Variants in DGKB observed in about 807,000 individuals in gnomAD.
DGKB encodes 90 kDa diacylglycerol kinase.
DGKB carries 67 observed loss-of-function variants against 114.3 expected under a neutral mutation model. The ratio of observed to expected loss-of-function variants is 0.59; its 90% CI spans 0.48 to 0.72. The LOEUF (loss-of-function observed/expected upper bound fraction) is 0.72. Among genes scored for constraint, DGKB ranks in the 30% least tolerant of loss-of-function variants. The pLI is 0.00. For synonymous variants in DGKB, 398 were observed against 323.1 expected, an observed-to-expected ratio of 1.23 and a Z score of -2.49; for missense variants, 907 against 975.2, an observed-to-expected ratio of 0.93 and a Z score of 0.93.
At chr7:14,377,475 T>C (rs770290726) in intron 21 of DGKB, among the ~76,000 whole-genome samples, 7 of 152,258 alleles carry the variant, frequency 4.6e-5, no homozygotes, top group Non-Finnish European at 8.8e-5. Context: ...ATTTAAAGTA[T>C]GGACTTTCTT....
At chr7:14,653,619 A>G (rs62443681) in intron 13 of DGKB, among the ~76,000 whole-genome samples, 3,244 of 151,744 alleles carry the variant, frequency 0.021, 51 homozygotes, top group South Asian at 0.038. Context: ...ACTAACCTGC[A>G]CAATGTGCAC....
At chr7:14,502,557 T>C (rs1242566838) in intron 20 of DGKB, among the ~76,000 whole-genome samples, 1 of 152,106 alleles carries the variant, frequency 6.6e-6, no homozygotes, top group East Asian at 1.9e-4. Context: ...CATTTATAAT[T>C]CTGAAGTACT....
intron 21 of DGKB, among the ~76,000 whole-genome samples, chr7:14,401,611 G>A (rs921002780): frequency 6.6e-6 from 1 of 151,864 alleles, no homozygotes; most frequent in Non-Finnish European, 1.5e-5. Flanking sequence ...ATTGGCAAAA[G>A]ATCTTTCTTC....
chr7:14,424,653 G>A (rs1827226970), intron 21 of DGKB, among the ~76,000 whole-genome samples: 1 of 152,040 alleles, frequency 6.6e-6, no homozygotes, highest in Non-Finnish European at 1.5e-5. Context: ...CTAAAGGTAT[G>A]GTTAAGCTTC....
chr7:14,409,424 G>GAATTGTTTGATATGTACCGTAGATTA (rs1583716004), intron 21 of DGKB, among the ~76,000 whole-genome samples: 10 of 74,910 alleles, frequency 1.3e-4, no homozygotes, highest in East Asian at 6.2e-4. Flanking sequence ...AGAAAAAGTT[G>GAATTGTTTGATATGTACCGTAGATTA]AGGCCGGGCG....
intron 21 of DGKB, among the ~76,000 whole-genome samples, chr7:14,392,820 A>C (rs1435421053): frequency 6.6e-6 from 1 of 152,118 alleles, no homozygotes; most frequent in Non-Finnish European, 1.5e-5. Flanking sequence ...TCGACTGACT[A>C]GAAGACATTT....
In DGKB at chr7:14,756,755, C is replaced by T. The variant is rs1026989532; in HGVS notation, c.147+900G>A. ...CTCTTGCAAACATACAAAAAAAAAA[C>T]AATAATAGCAAAAAATAAGTCACAT... On this transcript the variant is annotated intron_variant, in intron 3 of 25. Coordinates refer to ENST00000402815, the MANE Select transcript of DGKB (RefSeq NM_001350709.2). Among the ~76,000 whole-genome samples, 13 of 150,048 alleles carry T rather than the reference C, an allele frequency of 8.7e-5. 1 individual carries two copies. Among genetic ancestry groups the T allele is most frequent in the Non-Finnish European group, 8.9e-5 (6 of 67,360 alleles).
At chr7:14,596,635 T>G (rs894528072) in intron 17 of DGKB, among the ~76,000 whole-genome samples, 2 of 152,208 alleles carry the variant, frequency 1.3e-5, no homozygotes, top group Admixed American at 6.5e-5. Context: ...CCTAAAATGC[T>G]CATGCTCATT....
intron 2 of DGKB, among the ~76,000 whole-genome samples, chr7:14,839,804 T>C (rs1446592694): frequency 6.6e-6 from 1 of 152,196 alleles, no homozygotes; most frequent in Non-Finnish European, 1.5e-5. Context: ...TTATTATTAT[T>C]GACTCAGTCA....
chr7:14,613,374 CA>C lies in DGKB; in HGVS notation c.1323del (p.Phe441LeufsTer2). The C allele has an allele frequency of 6.4e-7, 1 of 1,571,258 alleles. No individual in the cohort carries two copies. Among genetic ancestry groups the C allele is most frequent in the African/African-American group, 1.4e-5 (1 of 73,928 alleles). On this transcript the variant is annotated frameshift_variant, in exon 16 of 26. Transcript: ENST00000402815. LOFTEE classifies it high-confidence loss of function. Reference sequence around the variant, plus strand: ...TGTTTTCCACCACTTTTGGGGTTCACAAAAACTAAAAGTGGGTGAGTACCAG... The same window carrying C: ...TGTTTTCCACCACTTTTGGGGTTCACAAAACTAAAAGTGGGTGAGTACCAG... Reference protein sequence around the residue: ...PVPGTHPLLVFVNPKSGGKQG... With the variant: ...PVPGTHPLLVXVNPKSGGKQG...
rs962963210 is a variant in DGKB, at chr7:14,736,131, C to G, written c.232G>C (p.Asp78His). The change falls in exon 5 of 26, where the codon GAT (aspartate) becomes CAT (histidine). Residue 78 changes from aspartate (D) to histidine (H), a missense_variant. Asp to His is a moderately conservative substitution (Grantham distance 81, BLOSUM62 -1). Transcript: ENST00000402815. ...GACATGAAAAGGTGTGCAGTGAAAT[C>G]ATCAGGAAGCTCGGCTTCCAGGAAT... ...KTFLEAELPDDFTAHLFMSFS... is the reference protein window; with the variant it reads ...KTFLEAELPDHFTAHLFMSFS... 5.0e-6 allele frequency: 8 copies of G among 1,609,132 alleles called. No individual in the cohort carries two copies. Among genetic ancestry groups the G allele is most frequent in the Non-Finnish European group, 5.9e-6 (7 of 1,176,506 alleles).
chr7:14,440,498 T>G (rs1829933117), intron 21 of DGKB, among the ~76,000 whole-genome samples: 1 of 152,142 alleles, frequency 6.6e-6, no homozygotes, highest in Admixed American at 6.6e-5. Context: ...AGGTATGTAT[T>G]TATTTTGTAG....
chr7:14,536,757 A>T (rs977075137), intron 20 of DGKB, among the ~76,000 whole-genome samples: 1 of 151,904 alleles, frequency 6.6e-6, no homozygotes, highest in Non-Finnish European at 1.5e-5. Flanking sequence ...TTCCTCTAAG[A>T]TGTGAAAGAA....
At chr7:14,532,825 C>T (rs1024466464) in intron 20 of DGKB, among the ~76,000 whole-genome samples, 1 of 151,558 alleles carries the variant, frequency 6.6e-6, no homozygotes, top group Non-Finnish European at 1.5e-5. Flanking sequence ...GAGCTACATG[C>T]TGTTTTAGAG....
intron 21 of DGKB, among the ~76,000 whole-genome samples, chr7:14,405,117 T>TC (rs111477002): frequency 0.98 from 148,158 of 151,898 alleles, 72,353 homozygotes; most frequent in Non-Finnish European, 1. Context: ...ACATTTCAAA[T>TC]TATTCTGCCT....
At chr7:14,582,505 T>C (rs1800087405) in intron 18 of DGKB, among the ~76,000 whole-genome samples, 1 of 152,200 alleles carries the variant, frequency 6.6e-6, no homozygotes, top group Admixed American at 6.5e-5. Flanking sequence ...TGTAGTTATT[T>C]ACTTTTTTCC....
At chr7:14,303,786 T>C (rs186339441) in intron 23 of DGKB, among the ~76,000 whole-genome samples, 1 of 152,260 alleles carries the variant, frequency 6.6e-6, no homozygotes, top group African/African-American at 2.4e-5. Flanking sequence ...TGAACAGTGA[T>C]GTGGCCCAGG....
At chr7:14,940,011 G>T (rs1785485402) in intron 1 of DGKB, among the ~76,000 whole-genome samples, 1 of 152,020 alleles carries the variant, frequency 6.6e-6, no homozygotes, top group Non-Finnish European at 1.5e-5. Context: ...AACACTGTGT[G>T]GTGACTTGGC....
chr7:14,184,915 A>G (rs1774552780), intron 23 of DGKB, among the ~76,000 whole-genome samples: 1 of 152,170 alleles, frequency 6.6e-6, no homozygotes, highest in Admixed American at 6.5e-5. Context: ...CACAGCCAAC[A>G]TAATACTGAA....
Sources: gnomAD v4.1 joint callset for allele counts (sites outside exome capture counted in the v4.1 genomes callset) on GRCh38, gnomAD v4.1.1 for gene constraint, MANE v1.5 for transcripts, NCBI Gene and HGNC (gene_info 2026-07-23, HGNC 2026-07-21) for gene names.